Variants in ESF1 observed in about 807,000 individuals in gnomAD.
The protein encoded by ESF1 is ESF1 nucleolar pre-rRNA processing protein.
ESF1 carries 58 observed loss-of-function variants against 92.0 expected under a neutral mutation model. The ratio of observed to expected loss-of-function variants is 0.63; its 90% CI spans 0.51 to 0.78. The LOEUF is 0.78. Ranked by LOEUF, ESF1 falls within the 30% of genes least tolerant of loss-of-function variation. ESF1 has a pLI of 0.00. For missense variants in ESF1, 922 were observed against 989.1 expected, an observed-to-expected ratio of 0.93 and a Z score of 0.91; for synonymous variants, 321 against 313.7, an observed-to-expected ratio of 1.02 and a Z score of -0.24.
chr20:13,726,068 T>G (rs2147724467), intron 11 of ESF1, among the ~76,000 whole-genome samples: 2 of 152,280 alleles, frequency 1.3e-5, no homozygotes, highest in South Asian at 4.2e-4. Flanking sequence ...CTCCATCCAA[T>G]TCCACGAGCG....
intron 10 of ESF1, among the ~76,000 whole-genome samples, chr20:13,731,457 G>A (rs377303386): frequency 8.0e-5 from 12 of 150,326 alleles, no homozygotes; most frequent in African/African-American, 1.7e-4. Flanking sequence ...GTGTGAACCC[G>A]GGAGGTGGAG....
chr20:13,751,069 T>C (rs968730415), intron 9 of ESF1, among the ~76,000 whole-genome samples: 2 of 152,212 alleles, frequency 1.3e-5, no homozygotes, highest in Non-Finnish European at 2.9e-5. Flanking sequence ...TATTATGTTA[T>C]CCATTTAGCA....
At chr20:13,764,832 T>C (rs752997286) in intron 8 of ESF1, among the ~76,000 whole-genome samples, 1 of 151,426 alleles carries the variant, frequency 6.6e-6, no homozygotes, top group Non-Finnish European at 1.5e-5. Flanking sequence ...AGAAAACCCA[T>C]GTATAAGTGA....
chr20:13,758,010 T>C (rs1978978210), intron 9 of ESF1, among the ~76,000 whole-genome samples: 1 of 152,200 alleles, frequency 6.6e-6, no homozygotes, highest in Non-Finnish European at 1.5e-5. Flanking sequence ...GTAAAATATT[T>C]CTTAACAGAC....
At chr20:13,764,915 A>T (rs1979362081) in intron 8 of ESF1, among the ~76,000 whole-genome samples, 1 of 144,426 alleles carries the variant, frequency 6.9e-6, no homozygotes, top group South Asian at 2.3e-4. Context: ...CATTTCAAAC[A>T]TTAAAAAAAA....
chr20:13,753,425 A>C (rs1317532404), intron 9 of ESF1, among the ~76,000 whole-genome samples: 1 of 149,404 alleles, frequency 6.7e-6, no homozygotes, highest in African/African-American at 2.5e-5. Context: ...TCTGAATATC[A>C]TATTTTCAGG....
chr20:13,730,614 G>C (rs538230914), intron 10 of ESF1, among the ~76,000 whole-genome samples: 1 of 150,612 alleles, frequency 6.6e-6, no homozygotes, highest in Non-Finnish European at 1.5e-5. Context: ...TTGATCTCCT[G>C]ACCTTGTGAT....
At chr20:13,735,739 C>T (rs2049971618) in intron 9 of ESF1, among the ~76,000 whole-genome samples, 1 of 152,094 alleles carries the variant, frequency 6.6e-6, no homozygotes, top group Non-Finnish European at 1.5e-5. Context: ...GATTGTATTA[C>T]TTCAAAATAC....
intron 4 of ESF1, among the ~76,000 whole-genome samples, chr20:13,774,279 C>T (rs1979824548): frequency 6.6e-6 from 1 of 151,342 alleles, no homozygotes; most frequent in African/African-American, 2.4e-5. Flanking sequence ...AATCCCAAAT[C>T]CAAAATTCCA....
chr20:13,719,386 A>G (rs2049852228), intron 11 of ESF1, among the ~76,000 whole-genome samples: 2 of 152,146 alleles, frequency 1.3e-5, no homozygotes, highest in Admixed American at 1.3e-4. Context: ...ATTCCATTCA[A>G]GGAAATCTTT....
intron 9 of ESF1, among the ~76,000 whole-genome samples, chr20:13,752,714 G>A (rs536559860): frequency 6.6e-6 from 1 of 152,328 alleles, no homozygotes. Flanking sequence ...TGATGTCTCT[G>A]TTTAAGCTAC....
At chr20:13,730,680 A>G (rs1175237618) in intron 10 of ESF1, among the ~76,000 whole-genome samples, 3 of 151,486 alleles carry the variant, frequency 2.0e-5, no homozygotes, top group Admixed American at 6.6e-5. Context: ...CACCGCACCC[A>G]GCCAGAACAA....
intron 4 of ESF1, among the ~76,000 whole-genome samples, chr20:13,773,305 C>T (rs891419134): frequency 6.6e-6 from 1 of 152,058 alleles, no homozygotes; most frequent in Non-Finnish European, 1.5e-5. Context: ...ACAAGATGAT[C>T]CAAGTTTTTC....
intron 5 of ESF1, 60 bp downstream of exon 5, chr20:13,772,455 T>C (rs1979731139): frequency 1.5e-6 from 2 of 1,290,606 alleles, no homozygotes; most frequent in Admixed American, 1.7e-5. Context: ...GTGACCAGAA[T>C]TCTGAACTAA....
At chr20:13,772,857 C>T (rs1979754980) in intron 4 of ESF1, among the ~76,000 whole-genome samples, 1 of 152,064 alleles carries the variant, frequency 6.6e-6, no homozygotes, top group Non-Finnish European at 1.5e-5. Flanking sequence ...GTATCTCCTC[C>T]ACATACCACC....
At chr20:13,764,100 T>C (rs1209934741) in intron 8 of ESF1, among the ~76,000 whole-genome samples, 1 of 152,182 alleles carries the variant, frequency 6.6e-6, no homozygotes, top group African/African-American at 2.4e-5. Context: ...ATAAAAATAA[T>C]ACATATACAA....
At chr20:13,730,418 C>G (rs2147729843) in intron 10 of ESF1, among the ~76,000 whole-genome samples, 1 of 145,250 alleles carries the variant, frequency 6.9e-6, no homozygotes, top group East Asian at 2.1e-4. Flanking sequence ...GAGTCTCACT[C>G]TGTTGCCCAG....
In ESF1 at chr20:13,757,594, A is replaced by C. The variant is rs149578272; in HGVS notation, c.1828+2098T>G. 4.0e-3 allele frequency among the ~76,000 whole-genome samples: 614 copies of C among 152,130 alleles called. 1 individual carries two copies. Among genetic ancestry groups the C allele is most frequent in the East Asian group, 0.012 (62 of 5,168 alleles). ...TTGTATTTTTTTGTAGAGATGGAAC[A>C]GTTTTGCCATGCTACTCGGGCTGGT... On this transcript the variant is annotated intron_variant, in intron 9 of 13. Transcript: ENST00000617257.
At chr20:13,742,298 C>G (rs918655730) in intron 9 of ESF1, among the ~76,000 whole-genome samples, 1 of 152,030 alleles carries the variant, frequency 6.6e-6, no homozygotes, top group African/African-American at 2.4e-5. Context: ...TGGCAAAACC[C>G]CGTCTCTACT....
Sources: allele counts gnomAD v4.1 joint callset (sites outside exome capture counted in the v4.1 genomes callset), GRCh38; gene constraint gnomAD v4.1.1; transcripts MANE v1.5; gene names NCBI Gene and HGNC (gene_info 2026-07-23, HGNC 2026-07-21).